TTL: variants seen among roughly 807,000 people sequenced by gnomAD.
TTL encodes the protein tubulin--tyrosine ligase.
In TTL, 10 loss-of-function variants were observed where a neutral mutation model predicts 41.1. The ratio of observed to expected loss-of-function variants is 0.24; its 90% confidence interval spans 0.15 to 0.41. The LOEUF (loss-of-function observed/expected upper bound fraction) is 0.41, where lower values mean the gene tolerates loss of function less well. TTL is among the 10% of genes least tolerant of loss of function. The probability of loss-of-function intolerance (pLI) is 1.00; values close to 1 mark genes in which losing one functional copy is unlikely to be tolerated. For missense variants in TTL, 367 were observed against 460.4 expected (o/e 0.80, Z 1.86); for synonymous variants, 175 against 175.5 (o/e 1.00, Z 0.02).
chr2:112,491,863 G>T (rs2104450176), intron 2 of TTL, among the ~76,000 whole-genome samples: 1 of 152,074 alleles, frequency 6.6e-6, no homozygotes, highest in East Asian at 1.9e-4. Flanking sequence ...CCTCCTTTCA[G>T]TTCTTTTTTT....
intron 5 of TTL, among the ~76,000 whole-genome samples, chr2:112,509,515 TGGTGC>T (rs1388519981): frequency 6.6e-6 from 1 of 152,232 alleles, no homozygotes; most frequent in Non-Finnish European, 1.5e-5. Flanking sequence ...TATAATCTCA[TGGTGC>T]GCCGTTTCTT....
At chr2:112,499,656 T>C (rs1370466505) in intron 3 of TTL, among the ~76,000 whole-genome samples, 1 of 152,220 alleles carries the variant, frequency 6.6e-6, no homozygotes, top group Admixed American at 6.5e-5. Context: ...TTCTGCTCTA[T>C]GAAACACCTC....
At position 112,530,116 on chromosome 2, in the gene TTL, A is replaced by G; in HGVS notation, c.*1321A>G. 4.4e-6 allele frequency: 1 copy of G among 229,664 alleles called. No homozygotes were observed. The highest frequency in any genetic ancestry group is 5.7e-5 in the Admixed American group (1 of 17,652). The allele number at this position is 229,664 out of a possible 1,614,324, so 14.2% of individuals were successfully genotyped here. On this transcript the variant is annotated 3_prime_UTR_variant, in exon 7 of 7. Coordinates refer to ENST00000233336, the MANE Select transcript of TTL (RefSeq NM_153712.5). ...ACTGCCCTCCCCACCAGAACGTGCT[A>G]CGTTCTTTCTTCATGCCTATGTGTG...
At chr2:112,514,922 G>C (rs898916252) in intron 5 of TTL, among the ~76,000 whole-genome samples, 1 of 151,588 alleles carries the variant, frequency 6.6e-6, no homozygotes, top group East Asian at 1.9e-4. Context: ...CATTCTTTTC[G>C]TCTGACATCT....
At chr2:112,498,636 G>A (rs1484306147) in intron 3 of TTL, among the ~76,000 whole-genome samples, 5 of 152,136 alleles carry the variant, frequency 3.3e-5, no homozygotes, top group Non-Finnish European at 1.5e-5. Context: ...GGGCACGGTG[G>A]CTCACACTTG....
chr2:112,533,794 A>G lies in TTL; in HGVS notation c.*4999A>G, dbSNP rs1682552189. On this transcript the variant is annotated 3_prime_UTR_variant, in exon 7 of 7. Coordinates refer to ENST00000233336, the MANE Select transcript of TTL (RefSeq NM_153712.5). ...CTATTGCAGTAGAGATTAAGTTTCCAACACATTTACTTTGGGGAACACATT... is the reference window on the plus strand; with the variant it reads ...CTATTGCAGTAGAGATTAAGTTTCCGACACATTTACTTTGGGGAACACATT... 6.6e-6 allele frequency: 1 copy of G among 152,204 alleles called. No homozygotes were observed. Among genetic ancestry groups the G allele is most frequent in the Non-Finnish European group, 1.5e-5 (1 of 68,040 alleles). The allele number at this position is 152,204 out of a possible 1,614,324, so 9.4% of individuals were successfully genotyped here. A position where few individuals can be genotyped will look rare whatever the true frequency, so the allele number is the denominator to read the frequency against.
chr2:112,482,371 G>T lies in TTL; in HGVS notation c.27G>T (p.Glu9Asp). 1 of 1,577,942 alleles carries T rather than the reference G, an allele frequency of 6.3e-7. No individual in the cohort carries two copies. Among genetic ancestry groups the T allele is most frequent in the Non-Finnish European group, 8.6e-7 (1 of 1,162,750 alleles). The change falls in exon 1 of 7, where the codon GAG becomes GAT. Residue 9 changes from glutamate (E) to aspartate (D), a missense_variant. Coordinates refer to ENST00000233336, the MANE Select transcript of TTL (RefSeq NM_153712.5). This position sits in a 1 kb window ranked among gnomAD's most constrained non-coding sequence, Gnocchi z 5.3. The part of the protein sequence containing the change: MYTFVVRD[E>D]NSSVYAEVSR... ...TGTACACCTTCGTGGTACGCGATGA[G>T]AACAGCAGCGTCTACGCCGAGGTCT...
intron 3 of TTL, among the ~76,000 whole-genome samples, chr2:112,496,610 AGAT>A: frequency 6.6e-6 from 1 of 151,492 alleles, no homozygotes; most frequent in South Asian, 2.1e-4. Context: ...TCTTTGCTGT[AGAT>A]GACCCTTGTT....
intron 5 of TTL, among the ~76,000 whole-genome samples, chr2:112,515,996 AAATG>A (rs1213220918): frequency 8.1e-6 from 1 of 123,810 alleles, no homozygotes; most frequent in African/African-American, 2.9e-5. Context: ...ATAAATAAAT[AAATG>A]CCCTGCCAAA....
Position 112,539,302 on chromosome 2 carries a change from A to AC in TTL, c.*10513dup, listed in dbSNP as rs1444599711. 6.6e-6 allele frequency: 1 copy of AC among 151,850 alleles called. No homozygotes were observed. Among genetic ancestry groups the AC allele is most frequent in the Non-Finnish European group, 1.5e-5 (1 of 67,982 alleles). The allele number at this position is 151,850 out of a possible 1,614,324, so 9.4% of individuals were successfully genotyped here. ...ACCTTTGTAACAAATTCGCACATGT[A>AC]CCCCCCTGATTCTAAAATAAACGTT... On this transcript the variant is annotated 3_prime_UTR_variant, in exon 7 of 7. Coordinates refer to ENST00000233336, the MANE Select transcript of TTL (RefSeq NM_153712.5).
At chr2:112,502,872 T>A (rs200331575) in intron 4 of TTL, 40 bp from the exon 5 acceptor site, 1 of 1,572,958 alleles carries the variant, frequency 6.4e-7, no homozygotes, top group East Asian at 2.3e-5. Flanking sequence ...GCAGAAACTT[T>A]GGATGACTTG....
chr2:112,490,927 G>T (rs1681367232), intron 2 of TTL, among the ~76,000 whole-genome samples: 1 of 152,016 alleles, frequency 6.6e-6, no homozygotes, highest in African/African-American at 2.4e-5. Flanking sequence ...ATGATAGAAA[G>T]AAATTTTTTG....
chr2:112,519,855 G>A (rs750111933), intron 5 of TTL, among the ~76,000 whole-genome samples: 1 of 152,144 alleles, frequency 6.6e-6, no homozygotes, highest in Non-Finnish European at 1.5e-5. Flanking sequence ...ATTAGGCCGG[G>A]CACGATGGCT....
In TTL at chr2:112,511,994, T is replaced by C. The variant is rs1189485690; in HGVS notation, c.876-8288T>C. On this transcript the variant is annotated intron_variant, in intron 5 of 6. Coordinates refer to ENST00000233336, the MANE Select transcript of TTL (RefSeq NM_153712.5). ...ATCCTTTTATTTTCATTCTATTCTA[T>C]TCTATTCTATACTGTCCCTAGGTAT... Among the ~76,000 whole-genome samples, 13 of 152,004 alleles carry C rather than the reference T, an allele frequency of 8.6e-5. No homozygotes were observed. The South Asian group carries it at 2.7e-3, about 32-fold the overall frequency.
chr2:112,502,493 C>T (rs1306610431), intron 4 of TTL, among the ~76,000 whole-genome samples: 1 of 151,892 alleles, frequency 6.6e-6, no homozygotes, highest in South Asian at 2.1e-4. Context: ...AAAAATCACC[C>T]GGGCGTGGTG....
chr2:112,484,236 T>G (rs1318133045), intron 1 of TTL, among the ~76,000 whole-genome samples: 2 of 116,398 alleles, frequency 1.7e-5, no homozygotes, highest in African/African-American at 2.6e-5. Context: ...TTGTATGTGT[T>G]TTTTTTTTTT....
In TTL at chr2:112,515,713, C is replaced by T. The variant is rs369728202; in HGVS notation, c.876-4569C>T. On this transcript the variant is annotated intron_variant, in intron 5 of 6. Coordinates refer to ENST00000233336, the MANE Select transcript of TTL (RefSeq NM_153712.5). ...CTGTAATCCCAGCACTTTGGGAGGC[C>T]GAGGCAGGCAGATCACGAGGTCAGG... 1.1e-4 allele frequency among the ~76,000 whole-genome samples: 17 copies of T among 152,168 alleles called. No individual in the cohort carries two copies. The South Asian group carries it at 1.9e-3, about 17-fold the overall frequency.
In TTL at chr2:112,520,282, G is replaced by A. The variant is rs1682185418; in HGVS notation, c.876G>A (p.Arg292=). 6.2e-6 allele frequency: 10 copies of A among 1,614,048 alleles called. No homozygotes were observed. The highest frequency in any genetic ancestry group is 8.5e-6 in the Non-Finnish European group (10 of 1,179,982). The change falls in exon 6 of 7, where the codon AGG becomes AGA. Residue 292 remains arginine (R), a splice_region_variant and synonymous_variant. Coordinates refer to ENST00000233336, the MANE Select transcript of TTL (RefSeq NM_153712.5). ...SILLQIKHII[R]NCLLSVEPAI... ...GAGCATTTCCCCTCCTGCCTCATAGGAACTGCCTCCTGAGCGTGGAGCCTG... is the reference window on the plus strand; with the variant it reads ...GAGCATTTCCCCTCCTGCCTCATAGAAACTGCCTCCTGAGCGTGGAGCCTG...
At chr2:112,500,587 A>G (rs1416996349) in intron 3 of TTL, among the ~76,000 whole-genome samples, 2 of 152,356 alleles carry the variant, frequency 1.3e-5, no homozygotes, top group Non-Finnish European at 2.9e-5. Context: ...AAACAAACAA[A>G]CAAAGAAATA....
Sources: allele counts gnomAD v4.1 joint callset (sites outside exome capture counted in the v4.1 genomes callset), GRCh38; gene constraint gnomAD v4.1.1; non-coding constraint Gnocchi (gnomAD v3.1); transcripts MANE v1.5; gene names NCBI Gene and HGNC (gene_info 2026-07-23, HGNC 2026-07-21).